WFDC1: variants seen among roughly 807,000 people sequenced by gnomAD.
WFDC1 encodes the protein WAP four-disulfide core domain protein 1.
WFDC1 carries 39 observed loss-of-function variants against 32.9 expected under a neutral mutation model. That is an observed-to-expected ratio of 1.19 (90% CI 0.92 to 1.55). WFDC1 has a LOEUF of 1.55. Ranked by LOEUF, WFDC1 falls within the 40% of genes most tolerant of loss-of-function variation. The pLI is 0.00. For missense variants in WFDC1, 386 were observed against 309.5 expected (o/e 1.25, Z -1.85); for synonymous variants, 184 against 137.4 (o/e 1.34, Z -2.37).
At chr16:84,299,620 G>A (rs2151365409) in intron 1 of WFDC1, among the ~76,000 whole-genome samples, 1 of 152,338 alleles carries the variant, frequency 6.6e-6, no homozygotes, top group Middle Eastern at 3.4e-3. Context: ...TCGCTCTTGG[G>A]AGCCTCTCGA....
At chr16:84,307,786 A>T (rs1401943337) in intron 1 of WFDC1, among the ~76,000 whole-genome samples, 1 of 152,226 alleles carries the variant, frequency 6.6e-6, no homozygotes, top group African/African-American at 2.4e-5. Flanking sequence ...AGGATTAAAA[A>T]TTGCGGACCC....
Position 84,295,018 on chromosome 16 carries a change from T to C in WFDC1, c.47T>C (p.Ile16Thr). The change falls in exon 1 of 7, where the codon ATC (isoleucine) becomes ACC (threonine). Residue 16 changes from isoleucine to threonine, a missense_variant. Transcript: ENST00000219454. ...VGPGSCRRQI[I>T]RALCLLLLLL... ...CCGGGCAGCTGCAGGAGGCAGATCATCCGGGCTCTGTGCCTCTTGCTACTT... is the reference window on the plus strand; with the variant it reads ...CCGGGCAGCTGCAGGAGGCAGATCACCCGGGCTCTGTGCCTCTTGCTACTT... The C allele has an allele frequency of 1.2e-6, 2 of 1,614,202 alleles. No homozygotes were observed. Among genetic ancestry groups the C allele is most frequent in the Non-Finnish European group, 1.7e-6 (2 of 1,180,016 alleles).
At chr16:84,305,828 C>T (rs1021577876) in intron 1 of WFDC1, among the ~76,000 whole-genome samples, 3 of 151,284 alleles carry the variant, frequency 2.0e-5, no homozygotes, top group African/African-American at 7.3e-5. Context: ...AAGGCAAAAC[C>T]CCATCTCTAC....
At position 84,319,532 on chromosome 16, in the gene WFDC1, C is replaced by T. The variant is rs1295553338; in HGVS notation, c.523C>T (p.Pro175Ser). The T allele has an allele frequency of 1.9e-6, 3 of 1,613,112 alleles. No individual in the cohort carries two copies. Among genetic ancestry groups the T allele is most frequent in the South Asian group, 2.2e-5 (2 of 91,084 alleles). The change falls in exon 4 of 7, where the codon CCC becomes TCC. Residue 175 changes from proline (P) to serine (S), a missense_variant. Pro to Ser is a moderately conservative substitution (Grantham distance 74). Transcript: ENST00000219454. ...CCCAGGTGACGTGGCCGAAGGTATC[C>T]CCAACCGTGGGCAGTGCGTCAAGCA... Reference protein sequence around the residue: ...LSPGDVAEGIPNRGQCVKQRR... With the variant: ...LSPGDVAEGISNRGQCVKQRR...
intron 1 of WFDC1, among the ~76,000 whole-genome samples, chr16:84,310,322 A>AACGGGCATTCGGCAGAGGATCAGC (rs1277547477): frequency 6.6e-6 from 1 of 152,224 alleles, no homozygotes; most frequent in Non-Finnish European, 1.5e-5. Context: ...GACCTGAAGG[A>AACGGGCATTCGGCAGAGGATCAGC]ACGGGCATTC....
In WFDC1 at chr16:84,318,310, G is replaced by C. The variant is rs549441914; in HGVS notation, c.376G>C (p.Gly126Arg). 3 of 1,614,036 alleles carry C rather than the reference G, an allele frequency of 1.9e-6. No individual in the cohort carries two copies. Among genetic ancestry groups the C allele is most frequent in the Non-Finnish European group, 2.5e-6 (3 of 1,180,016 alleles). Residue 126 changes from glycine (G) to arginine (R), a missense_variant, in exon 3 of 7, where the codon GGT (glycine) becomes CGT (arginine). Coordinates refer to ENST00000219454, the MANE Select transcript of WFDC1 (RefSeq NM_021197.4). ...WLVQPKPRWL[G>R]GNGWLLDGPE... ...GGTGCAGCCGAAACCTCGATGGCTTGGTGGCAATGGCTGGCTCCTGGATGG... is the reference window on the plus strand; with the variant it reads ...GGTGCAGCCGAAACCTCGATGGCTTCGTGGCAATGGCTGGCTCCTGGATGG...
At chr16:84,298,244 A>T (rs1179525959) in intron 1 of WFDC1, among the ~76,000 whole-genome samples, 1 of 151,624 alleles carries the variant, frequency 6.6e-6, no homozygotes, top group Admixed American at 6.6e-5. Flanking sequence ...AGTAGTTGGG[A>T]TTACAGGCAT....
intron 2 of WFDC1, chr16:84,317,434 G>GCTGATTCAT (rs2151377499): frequency 6.6e-6 from 1 of 152,316 alleles, no homozygotes; most frequent in African/African-American, 2.4e-5. Context: ...CTAACCAGCA[G>GCTGATTCAT]CTGATTCATC....
At position 84,294,995 on chromosome 16, in the gene WFDC1, G is replaced by C. The variant is rs148802894; in HGVS notation, c.24G>C (p.Pro8=). Residue 8 remains proline, a synonymous_variant, in exon 1 of 7, where the codon CCG becomes CCC. Coordinates refer to ENST00000219454, the MANE Select transcript of WFDC1 (RefSeq NM_021197.4). Reference sequence around the variant, plus strand: ...AAATGCCTTTAACCGGCGTGGGGCCGGGCAGCTGCAGGAGGCAGATCATCC... The same window carrying C: ...AAATGCCTTTAACCGGCGTGGGGCCCGGCAGCTGCAGGAGGCAGATCATCC... The part of the protein sequence containing the change: MPLTGVG[P]GSCRRQIIRA... The C allele has an allele frequency of 1.2e-6, 2 of 1,613,726 alleles. No individual in the cohort carries two copies. The highest frequency in any genetic ancestry group is 2.7e-5 in the African/African-American group (2 of 74,942).
chr16:84,319,408 C>T (rs1466224160), intron 3 of WFDC1, 23 bp from the exon 4 acceptor site: 1 of 1,605,830 alleles, frequency 6.2e-7, no homozygotes, highest in African/African-American at 1.3e-5. Flanking sequence ...CCTTCTAGAC[C>T]CCAGCGTGTG....
At chr16:84,313,207 C>T in intron 2 of WFDC1, 54 bp downstream of exon 2, 2 of 1,354,914 alleles carry the variant, frequency 1.5e-6, no homozygotes, top group South Asian at 1.8e-5. Flanking sequence ...GTGAACAGAG[C>T]TGTCCCGGGG....
At chr16:84,307,754 G>C (rs1313406631) in intron 1 of WFDC1, among the ~76,000 whole-genome samples, 4 of 152,176 alleles carry the variant, frequency 2.6e-5, no homozygotes, top group African/African-American at 9.7e-5. Context: ...GAAGGAGGCT[G>C]GGGCGCCTGT....
intron 1 of WFDC1, among the ~76,000 whole-genome samples, chr16:84,307,592 C>A (rs965763864): frequency 5.9e-5 from 9 of 152,296 alleles, no homozygotes; most frequent in African/African-American, 2.2e-4. Flanking sequence ...AGTCCCAGGA[C>A]TGGGAGGCAT....
At chr16:84,319,176 T>C in intron 3 of WFDC1, 1 of 540,014 alleles carries the variant, frequency 1.9e-6, no homozygotes, top group Non-Finnish European at 3.3e-6. Context: ...TTGCTGAGCC[T>C]GTGAGAGTAT....
At chr16:84,310,343 C>G (rs1374214367) in intron 1 of WFDC1, among the ~76,000 whole-genome samples, 1 of 152,116 alleles carries the variant, frequency 6.6e-6, no homozygotes, top group Non-Finnish European at 1.5e-5. Flanking sequence ...GGCAGAGGAT[C>G]AGCACGGGCA....
At chr16:84,310,663 GAT>G (rs988033167) in intron 1 of WFDC1, among the ~76,000 whole-genome samples, 1 of 151,866 alleles carries the variant, frequency 6.6e-6, no homozygotes, top group Non-Finnish European at 1.5e-5. Context: ...TATGCAAATA[GAT>G]ATATATATGT....
chr16:84,310,796 C>G (rs1305245122), intron 1 of WFDC1, among the ~76,000 whole-genome samples: 1 of 152,156 alleles, frequency 6.6e-6, no homozygotes, highest in Admixed American at 6.5e-5. Flanking sequence ...CACATTGAGT[C>G]TTATTTCATT....
intron 1 of WFDC1, among the ~76,000 whole-genome samples, chr16:84,309,854 T>G (rs564777545): frequency 1.8e-3 from 152 of 83,534 alleles, no homozygotes; most frequent in Non-Finnish European, 2.5e-3. Context: ...CATGTGTGTG[T>G]GGGGGGGGCG....
At chr16:84,308,814 T>C (rs1439729991) in intron 1 of WFDC1, among the ~76,000 whole-genome samples, 1 of 150,972 alleles carries the variant, frequency 6.6e-6, no homozygotes, top group Admixed American at 6.6e-5. Context: ...TGGGTGTAGA[T>C]GCCATCCTCA....
Sources: gnomAD v4.1 joint callset for allele counts (sites outside exome capture counted in the v4.1 genomes callset) on GRCh38, gnomAD v4.1.1 for gene constraint, MANE v1.5 for transcripts, NCBI Gene and HGNC (gene_info 2026-07-23, HGNC 2026-07-21) for gene names.